PRKG1: variants seen among roughly 807,000 people sequenced by gnomAD.
PRKG1 encodes cGMP-dependent protein kinase 1.
A neutral mutation model predicts 88.1 loss-of-function variants in PRKG1; 35 were observed. That is an observed-to-expected ratio of 0.40 (90% CI 0.30 to 0.53). The LOEUF is 0.53. Among genes scored for constraint, PRKG1 ranks in the 20% least tolerant of loss-of-function variants. The probability of loss-of-function intolerance (pLI) is 0.59; values close to 1 mark genes in which losing one functional copy is unlikely to be tolerated. For missense variants in PRKG1, 540 were observed against 839.8 expected (o/e 0.64, Z 4.41); for synonymous variants, 303 against 292.5 (o/e 1.04, Z -0.37).
chr10:51,958,551 T>C (rs201607570), intron 5 of PRKG1, among the ~76,000 whole-genome samples: 2 of 123,688 alleles, frequency 1.6e-5, no homozygotes, highest in African/African-American at 2.9e-5. Flanking sequence ...TGTTCCTTTT[T>C]TTTTTTTTTT....
chr10:52,187,922 GA>G (rs1457164240), intron 9 of PRKG1, among the ~76,000 whole-genome samples: 1 of 152,102 alleles, frequency 6.6e-6, no homozygotes, highest in African/African-American at 2.4e-5. Context: ...GAAGAAAGCA[GA>G]GTTTGGAACG....
At chr10:52,103,818 A>T in intron 7 of PRKG1, among the ~76,000 whole-genome samples, 1 of 151,934 alleles carries the variant, frequency 6.6e-6, no homozygotes, top group Admixed American at 6.6e-5. Context: ...TCTTTGTATG[A>T]AATAGCAGCA....
chr10:52,197,720 C>T (rs962128707), intron 9 of PRKG1, among the ~76,000 whole-genome samples: 3 of 152,196 alleles, frequency 2.0e-5, no homozygotes, highest in African/African-American at 7.2e-5. Flanking sequence ...CTCCTTCATT[C>T]TGTAGAAGAG....
At chr10:51,689,897 G>T (rs1474438375) in intron 3 of PRKG1, among the ~76,000 whole-genome samples, 1 of 152,190 alleles carries the variant, frequency 6.6e-6, no homozygotes, top group Non-Finnish European at 1.5e-5. Flanking sequence ...GCCAACGGTA[G>T]TGTGCGACAT....
intron 3 of PRKG1, among the ~76,000 whole-genome samples, chr10:51,542,247 G>A (rs1346185252): frequency 6.6e-6 from 1 of 152,102 alleles, no homozygotes; most frequent in East Asian, 1.9e-4. Flanking sequence ...TAGAGAGAGA[G>A]AATTTGGAGG....
chr10:51,037,796 T>C (rs751607464), intron 1 of PRKG1, among the ~76,000 whole-genome samples: 3 of 151,584 alleles, frequency 2.0e-5, no homozygotes, highest in South Asian at 2.1e-4. Context: ...AAAAAAAAAA[T>C]TAAAAAATAT....
intron 3 of PRKG1, among the ~76,000 whole-genome samples, chr10:51,671,215 G>A (rs984807598): frequency 1.3e-5 from 2 of 152,216 alleles, no homozygotes; most frequent in African/African-American, 4.8e-5. Context: ...CAGTTAGCAT[G>A]TGAAAGATGA....
At chr10:52,089,379 C>T (rs1307177267) in intron 7 of PRKG1, among the ~76,000 whole-genome samples, 1 of 152,126 alleles carries the variant, frequency 6.6e-6, no homozygotes, top group Non-Finnish European at 1.5e-5. Flanking sequence ...CCATTCTCAG[C>T]AACAAATTGA....
chr10:52,043,534 A>G (rs955391227), intron 5 of PRKG1, among the ~76,000 whole-genome samples: 20 of 152,048 alleles, frequency 1.3e-4, no homozygotes, highest in African/African-American at 4.6e-4. Context: ...CAGAGAGTAG[A>G]ATATTGGTTA....
At chr10:51,188,447 T>A (rs984219927) in intron 2 of PRKG1, among the ~76,000 whole-genome samples, 2 of 151,854 alleles carry the variant, frequency 1.3e-5, no homozygotes, top group African/African-American at 2.4e-5. Context: ...ATATATAAGA[T>A]CATATATCAT....
chr10:50,999,409 G>A (rs1234664272), intron 1 of PRKG1, among the ~76,000 whole-genome samples: 1 of 152,180 alleles, frequency 6.6e-6, no homozygotes, highest in Non-Finnish European at 1.5e-5. Context: ...TAGTTTGACT[G>A]TTTTATTTGT....
At chr10:51,375,115 T>C (rs1361181037) in intron 2 of PRKG1, among the ~76,000 whole-genome samples, 1 of 152,186 alleles carries the variant, frequency 6.6e-6, no homozygotes, top group African/African-American at 2.4e-5. Flanking sequence ...TCTACTTACA[T>C]TGGAAGAGAG....
chr10:52,194,087 T>C (rs778577224), intron 9 of PRKG1, among the ~76,000 whole-genome samples: 45 of 152,248 alleles, frequency 3.0e-4, no homozygotes, highest in Middle Eastern at 3.4e-3. Flanking sequence ...TGTTGTTTTA[T>C]TTTACATGAT....
chr10:51,785,310 G>A (rs548354479), intron 3 of PRKG1, among the ~76,000 whole-genome samples: 21 of 151,802 alleles, frequency 1.4e-4, no homozygotes, highest in African/African-American at 5.1e-4. Flanking sequence ...ATAAACCTCT[G>A]TCCACTGTTA....
intron 4 of PRKG1, among the ~76,000 whole-genome samples, chr10:51,885,826 C>T (rs892634248): frequency 3.3e-5 from 5 of 152,158 alleles, no homozygotes; most frequent in Non-Finnish European, 5.9e-5. Context: ...TCCCCCGCTA[C>T]TCCCAAAGCA....
rs117507873 is a variant in PRKG1 at position 51,372,998 on chromosome 10, G to T, written c.479-94725G>T. On this transcript the variant is annotated intron_variant, in intron 2 of 17. Coordinates refer to ENST00000373980, the MANE Select transcript of PRKG1 (RefSeq NM_006258.4). ...AGTTTACTGATGTTTTCTTTTTCTTGTAATGTCTCTGACAGGTTTAAGGAT... is the reference window on the plus strand; with the variant it reads ...AGTTTACTGATGTTTTCTTTTTCTTTTAATGTCTCTGACAGGTTTAAGGAT... Among the ~76,000 whole-genome samples, 117 of 151,956 alleles carry T rather than the reference G, an allele frequency of 7.7e-4. 2 individuals are homozygous for T. In the East Asian group the frequency reaches 0.022, roughly 29 times the overall value.
intron 5 of PRKG1, among the ~76,000 whole-genome samples, chr10:51,983,487 G>T (rs990343011): frequency 6.6e-6 from 1 of 152,170 alleles, no homozygotes; most frequent in Non-Finnish European, 1.5e-5. Context: ...GCCATGCTGG[G>T]GCCCCAGGAG....
chr10:51,257,621 G>C (rs1348264241), intron 2 of PRKG1, among the ~76,000 whole-genome samples: 1 of 152,102 alleles, frequency 6.6e-6, no homozygotes, highest in African/African-American at 2.4e-5. Flanking sequence ...GTTAGCTCTT[G>C]TTCTTTGTGA....
rs117374112 is a variant in PRKG1, at chr10:51,088,678, C to T, written c.311+13777C>T. Among the ~76,000 whole-genome samples the T allele has an allele frequency of 4.3e-4, 66 of 152,148 alleles. 1 individual carries two copies. In the East Asian group the frequency reaches 9.5e-3, roughly 22 times the overall value. ...CAGAGTTTGAATTTCTATGTTTTGA[C>T]TGTTATTGGTTAACAACTACTTCCC... On this transcript the variant is annotated intron_variant, in intron 1 of 17. Transcript: ENST00000373980.
Sources: gnomAD v4.1 joint callset for allele counts (sites outside exome capture counted in the v4.1 genomes callset) on GRCh38, gnomAD v4.1.1 for gene constraint, MANE v1.5 for transcripts, NCBI Gene and HGNC (gene_info 2026-07-23, HGNC 2026-07-21) for gene names.